The following MTMR9 variants were observed in gnomAD, a reference collection of about 807,000 sequenced individuals.
MTMR9 encodes the protein myotubularin-related protein 9.
MTMR9 carries 39 observed loss-of-function variants against 69.5 expected under a neutral mutation model. The observed-to-expected ratio is 0.56, with a 90% CI of 0.43 to 0.73. MTMR9 has a LOEUF of 0.73. MTMR9 is among the 30% of genes least tolerant of loss of function. MTMR9 has a pLI of 0.00. For synonymous variants in MTMR9, 354 were observed against 240.8 expected (o/e 1.47, Z -4.35); for missense variants, 900 against 671.2 (o/e 1.34, Z -3.77).
At chr8:11,320,118 C>G (rs1215840203) in intron 9 of MTMR9, 1 of 295,998 alleles carries the variant, frequency 3.4e-6, no homozygotes, top group Non-Finnish European at 6.2e-6. Context: ...TACTCTTTGC[C>G]TAAGAGAGTT....
downstream of MTMR9, among the ~76,000 whole-genome samples, chr8:11,329,701 A>G (rs1251616287): frequency 6.6e-6 from 1 of 152,078 alleles, no homozygotes; most frequent in African/African-American, 2.4e-5. Flanking sequence ...TGGCCTCCCA[A>G]AGTGCTGAGA....
intron 1 of MTMR9, among the ~76,000 whole-genome samples, chr8:11,288,166 ATT>A (rs563529668): frequency 0.022 from 2,926 of 135,180 alleles, 116 homozygotes; most frequent in African/African-American, 0.073. Flanking sequence ...TAGGTGAATA[ATT>A]ATTTATTCAC....
intron 1 of MTMR9, among the ~76,000 whole-genome samples, chr8:11,292,955 C>T (rs886173003): frequency 6.6e-6 from 1 of 152,136 alleles, no homozygotes. Context: ...TATGTATTTA[C>T]TATAGTATAC....
At chr8:11,303,710 T>A (rs1227016903) in intron 3 of MTMR9, among the ~76,000 whole-genome samples, 2 of 152,062 alleles carry the variant, frequency 1.3e-5, no homozygotes, top group African/African-American at 4.8e-5. Context: ...ATTTTTGCAT[T>A]TTTAGTGGAT....
intron 1 of MTMR9, 62 bp downstream of exon 1, chr8:11,285,132 A>G: frequency 2.1e-6 from 3 of 1,446,490 alleles, no homozygotes; most frequent in Non-Finnish European, 2.8e-6. Flanking sequence ...GCGCCCCGGG[A>G]AATACTTCCT....
At chr8:11,308,154 T>C (rs1466694073) in intron 5 of MTMR9, among the ~76,000 whole-genome samples, 1 of 152,218 alleles carries the variant, frequency 6.6e-6, no homozygotes, top group South Asian at 2.1e-4. Context: ...TGTTTTCCTC[T>C]AATGATTTTT....
At position 11,316,759 on chromosome 8, in the gene MTMR9, C is replaced by G; in HGVS notation, c.1200C>G (p.Phe400Leu). 1 of 1,613,912 alleles carries G rather than the reference C, an allele frequency of 6.2e-7. No homozygotes were observed. Among genetic ancestry groups the G allele is most frequent in the Non-Finnish European group, 8.5e-7 (1 of 1,179,968 alleles). Residue 400 changes from phenylalanine to leucine, a missense_variant, in exon 8 of 10, where the codon TTC becomes TTG. Physicochemically the swap from Phe to Leu is conservative, Grantham distance 22. Coordinates refer to ENST00000221086, the MANE Select transcript of MTMR9 (RefSeq NM_015458.4). Reference protein sequence around the residue: ...QKWEAPVFLLFLDCVWQILRQ... With the variant: ...QKWEAPVFLLLLDCVWQILRQ... ...GGGAGGCTCCTGTATTTCTTCTCTTCTTGGACTGCGTGTGGCAGATCCTTC... is the reference window on the plus strand; with the variant it reads ...GGGAGGCTCCTGTATTTCTTCTCTTGTTGGACTGCGTGTGGCAGATCCTTC...
At chr8:11,309,841 C>G (rs1266919471) in intron 6 of MTMR9, among the ~76,000 whole-genome samples, 153 bp downstream of exon 6, 2 of 152,142 alleles carry the variant, frequency 1.3e-5, no homozygotes, top group Non-Finnish European at 2.9e-5. Flanking sequence ...AGGTGTGTGC[C>G]TAGAGTCTGG....
At chr8:11,298,525 C>G (rs994643382) in intron 2 of MTMR9, among the ~76,000 whole-genome samples, 1 of 152,002 alleles carries the variant, frequency 6.6e-6, no homozygotes, top group African/African-American at 2.4e-5. Context: ...TGCTACACTG[C>G]TGAGCTGTAT....
chr8:11,316,551 C>G (rs1800422658), intron 7 of MTMR9, 122 bp from the exon 8 acceptor site: 1 of 583,750 alleles, frequency 1.7e-6, no homozygotes. Context: ...AACAGCTACC[C>G]TAATTATATG....
In MTMR9 at chr8:11,324,194, T is replaced by C. The variant is rs1203696719; in HGVS notation, c.*1406T>C. The C allele has an allele frequency of 2.6e-5, 4 of 152,216 alleles. No homozygotes were observed. The highest frequency in any genetic ancestry group is 9.7e-5 in the African/African-American group (4 of 41,450). 9.4% of individuals were successfully genotyped at this position (152,216 alleles called of 1,614,324 possible). ...AGAGCTGTGTGTTGAGCTAAAAATA[T>C]AATTTTTTAAAAATTGACTAGCAAA... is the stretch of plus-strand genomic sequence containing the variant. On this transcript the variant is annotated 3_prime_UTR_variant, in exon 10 of 10. Transcript: ENST00000221086.
intron 4 of MTMR9, among the ~76,000 whole-genome samples, 184 bp from the exon 5 acceptor site, chr8:11,306,005 GC>G (rs1799925100): frequency 1.3e-5 from 2 of 152,034 alleles, no homozygotes. Flanking sequence ...AAAGCTTAAG[GC>G]TTATCTTTTA....
chr8:11,321,789 CT>C (rs1263342918), intron 9 of MTMR9, among the ~76,000 whole-genome samples: 8 of 152,172 alleles, frequency 5.3e-5, no homozygotes, highest in African/African-American at 1.4e-4. Flanking sequence ...TGTGGTTCTG[CT>C]TTCCCTTTCT....
Position 11,295,319 on chromosome 8 carries a change from C to T in MTMR9, c.291+17C>T. The T allele has an allele frequency of 7.5e-7, 1 of 1,342,036 alleles. No individual in the cohort carries two copies. Among genetic ancestry groups the T allele is most frequent in the Non-Finnish European group, 1.1e-6 (1 of 938,070 alleles). The allele number at this position is 1,342,036 out of a possible 1,614,324, so 83.1% of individuals were successfully genotyped here. ...TCCATTGAGGTAAGTATTTTGGAAG[C>T]AAAATCTAATGAAACATAATTTTAT... On this transcript the variant is annotated intron_variant, in intron 2 of 9. Coordinates refer to ENST00000221086, the MANE Select transcript of MTMR9 (RefSeq NM_015458.4).
At chr8:11,339,157 C>CA in the MTMR9 span, among the ~76,000 whole-genome samples, 37 of 152,316 alleles carry the variant, frequency 2.4e-4, no homozygotes, top group Non-Finnish European at 5.0e-4. Context: ...CTGACCCCTG[C>CA]AAATCCAGTT....
chr8:11,316,861 T>C lies in MTMR9; in HGVS notation c.1302T>C (p.Phe434=). The change falls in exon 8 of 10, where the codon TTT becomes TTC. Residue 434 remains phenylalanine, a synonymous_variant. Coordinates refer to ENST00000221086, the MANE Select transcript of MTMR9 (RefSeq NM_015458.4). ...MLFEHAYASQ[F]GTFLGNNESE... Reference sequence around the variant, plus strand: ...TTGAGCATGCTTATGCCTCACAGTTTGGAACATTTCTGGGCAACAATGAAA... The same window carrying C: ...TTGAGCATGCTTATGCCTCACAGTTCGGAACATTTCTGGGCAACAATGAAA... 1 of 1,609,778 alleles carries C rather than the reference T, an allele frequency of 6.2e-7. No homozygotes were observed. Among genetic ancestry groups the C allele is most frequent in the Non-Finnish European group, 8.5e-7 (1 of 1,178,004 alleles).
chr8:11,308,241 G>A (rs950439640), intron 5 of MTMR9, among the ~76,000 whole-genome samples: 3 of 152,170 alleles, frequency 2.0e-5, no homozygotes, highest in African/African-American at 7.2e-5. Flanking sequence ...TAAGGGTTGA[G>A]TTTCTTCTGC....
At chr8:11,300,237 A>T (rs954880236) in intron 3 of MTMR9, 89 bp downstream of exon 3, 1 of 1,452,962 alleles carries the variant, frequency 6.9e-7, no homozygotes, top group African/African-American at 1.4e-5. Flanking sequence ...TTGAAGAGTA[A>T]TAAGGTGAAG....
chr8:11,300,193 T>C, intron 3 of MTMR9, 45 bp downstream of exon 3: 1 of 1,598,846 alleles, frequency 6.3e-7, no homozygotes, highest in Non-Finnish European at 8.5e-7. Context: ...AGTAACCCAA[T>C]ACCTTATTTG....
Sources: gnomAD v4.1 joint callset for allele counts (sites outside exome capture counted in the v4.1 genomes callset) on GRCh38, gnomAD v4.1.1 for gene constraint, MANE v1.5 for transcripts, NCBI Gene and HGNC (gene_info 2026-07-23, HGNC 2026-07-21) for gene names.